Variants in GPR155 observed in about 807,000 individuals in gnomAD.
The protein encoded by GPR155 is lysosomal cholesterol signaling protein.
Under a neutral mutation model 93.1 loss-of-function variants are expected in GPR155, and 65 were observed. The ratio of observed to expected loss-of-function variants is 0.70; its 90% CI spans 0.57 to 0.86. The LOEUF (loss-of-function observed/expected upper bound fraction) is 0.86, where lower values mean the gene tolerates loss of function less well. Ranked by LOEUF, GPR155 falls within the 40% of genes least tolerant of loss-of-function variation. The pLI, the probability that GPR155 is intolerant of heterozygous loss-of-function variation, is 0.00. For missense variants in GPR155, 838 were observed against 1,034.8 expected, an observed-to-expected ratio of 0.81 and a Z score of 2.61; for synonymous variants, 319 against 360.1, an observed-to-expected ratio of 0.89 and a Z score of 1.29.
At chr2:174,486,491 C>T (rs1222028426) in intron 1 of GPR155, among the ~76,000 whole-genome samples, 2 of 152,290 alleles carry the variant, frequency 1.3e-5, no homozygotes, top group Non-Finnish European at 2.9e-5. Flanking sequence ...GAAAATTTGG[C>T]GCAGTGCTCC....
chr2:174,438,889 T>A (rs1686870594), intron 15 of GPR155, among the ~76,000 whole-genome samples: 1 of 152,228 alleles, frequency 6.6e-6, no homozygotes, highest in Admixed American at 6.5e-5. Flanking sequence ...AAAACTAACT[T>A]TTCTTCATAG....
chr2:174,482,549 C>A (rs1361273377), intron 1 of GPR155, among the ~76,000 whole-genome samples: 1 of 152,110 alleles, frequency 6.6e-6, no homozygotes, highest in Non-Finnish European at 1.5e-5. Flanking sequence ...AACTTTAAAC[C>A]AATAACTTTT....
intron 11 of GPR155, among the ~76,000 whole-genome samples, chr2:174,448,307 A>G (rs2105683079): frequency 6.6e-6 from 1 of 152,238 alleles, no homozygotes; most frequent in South Asian, 2.1e-4. Context: ...ACCTGGGAGC[A>G]GAGGTTACAG....
At chr2:174,437,873 C>T (rs1474420382) in intron 15 of GPR155, among the ~76,000 whole-genome samples, 3 of 151,790 alleles carry the variant, frequency 2.0e-5, no homozygotes, top group African/African-American at 4.8e-5. Flanking sequence ...CGTGAGCCAC[C>T]GTGCCTGGCC....
intron 10 of GPR155, among the ~76,000 whole-genome samples, chr2:174,456,997 G>C (rs1687538003): frequency 6.6e-6 from 1 of 152,136 alleles, no homozygotes; most frequent in Admixed American, 6.6e-5. Context: ...TGACTTTATT[G>C]GTAAGTTTTA....
chr2:174,439,810 C>A (rs1686899716), intron 15 of GPR155, 88 bp downstream of exon 15: 2 of 1,073,002 alleles, frequency 1.9e-6, no homozygotes, highest in Non-Finnish European at 2.8e-6. Context: ...CAGTCACAAC[C>A]ACCTCATTTA....
chr2:174,448,758 C>T (rs1243649175), intron 11 of GPR155, among the ~76,000 whole-genome samples: 2 of 151,508 alleles, frequency 1.3e-5, no homozygotes, highest in Admixed American at 6.6e-5. Context: ...AGGATGGTCT[C>T]GATCTCCTGA....
At chr2:174,441,117 AT>A (rs36047031) in intron 14 of GPR155, among the ~76,000 whole-genome samples, 4 of 151,166 alleles carry the variant, frequency 2.6e-5, no homozygotes, top group East Asian at 1.9e-4. Flanking sequence ...AGTTCCTCCA[AT>A]TTTTTTTTGC....
intron 5 of GPR155, among the ~76,000 whole-genome samples, chr2:174,467,898 G>A (rs191453053): frequency 1.2e-3 from 178 of 152,172 alleles, no homozygotes; most frequent in Admixed American, 4.5e-3. Context: ...CACCATGCCT[G>A]ACTAATTTTA....
At position 174,469,171 on chromosome 2, in the gene GPR155, C is replaced by T. The variant is rs531105852; in HGVS notation, c.1027-104G>A. 5.4e-6 allele frequency: 5 copies of T among 921,848 alleles called. No homozygotes were observed. The African/African-American group carries it at 8.3e-5, about 15-fold the overall frequency. 57.1% of individuals were successfully genotyped at this position (921,848 alleles called of 1,614,324 possible). A position where few individuals can be genotyped will look rare whatever the true frequency, so the allele number is the denominator to read the frequency against. ...AAAGCATTCTAAAATAAAAATGAGA[C>T]ACAGTAAAGACATTATAAAATCCAG... On this transcript the variant is annotated intron_variant, in intron 4 of 15. Coordinates refer to ENST00000392552, the MANE Select transcript of GPR155 (RefSeq NM_152529.7).
chr2:174,473,456 A>G, intron 2 of GPR155, 92 bp from the exon 3 acceptor site: 1 of 864,080 alleles, frequency 1.2e-6, no homozygotes, highest in Middle Eastern at 3.8e-4. Flanking sequence ...TATAGCAATG[A>G]TAAATCTAAA....
At chr2:174,463,562 G>A (rs1020583997) in intron 7 of GPR155, among the ~76,000 whole-genome samples, 3 of 152,110 alleles carry the variant, frequency 2.0e-5, no homozygotes, top group Non-Finnish European at 4.4e-5. Context: ...ATATTACAAC[G>A]CACAGTCCAA....
chr2:174,437,815 C>T (rs1259745338), intron 15 of GPR155, among the ~76,000 whole-genome samples: 2 of 151,580 alleles, frequency 1.3e-5, no homozygotes, highest in Non-Finnish European at 2.9e-5. Context: ...AACTCCCGAC[C>T]TCAGGTGATC....
Position 174,461,402 on chromosome 2 carries a change from C to T in GPR155, c.1560G>A (p.Gln520=). The T allele has an allele frequency of 1.2e-6, 2 of 1,600,258 alleles. No individual in the cohort carries two copies. Among genetic ancestry groups the T allele is most frequent in the South Asian group, 1.1e-5 (1 of 90,724 alleles). Residue 520 remains glutamine, a splice_region_variant and synonymous_variant, in exon 9 of 16, where the codon CAG becomes CAA. Coordinates refer to ENST00000392552, the MANE Select transcript of GPR155 (RefSeq NM_152529.7). Reference sequence around the variant, plus strand: ...AGAACTGCCAGTAAACTCTTCCCACCTGTTCTTTTCCATAAAAGAAGGCTG... The same window carrying T: ...AGAACTGCCAGTAAACTCTTCCCACTTGTTCTTTTCCATAAAAGAAGGCTG... ...IDSAFFYGKE[Q]MITTAVTLFC...
At chr2:174,473,421 T>C in intron 2 of GPR155, 57 bp from the exon 3 acceptor site, 1 of 1,133,950 alleles carries the variant, frequency 8.8e-7, no homozygotes, top group Non-Finnish European at 1.3e-6. Context: ...AGATATATGT[T>C]ATGTATATAA....
In GPR155 at chr2:174,468,943, A is replaced by C. The variant is rs779641996; in HGVS notation, c.1151T>G (p.Phe384Cys). The change falls in exon 5 of 16, where the codon TTT becomes TGT. Residue 384 changes from phenylalanine (F) to cysteine (C), a missense_variant. Transcript: ENST00000392552. ...PLAYAIQNVS[F>C]DISIVSLISL... is the part of the protein sequence containing the mutation. ...GATCAGGCTGACAATACTTATATCA[A>C]AACTAACATTCTGGATGGCATATGC... 6.2e-7 allele frequency: 1 copy of C among 1,613,966 alleles called. No homozygotes were observed. The highest frequency in any genetic ancestry group is 2.2e-5 in the East Asian group (1 of 44,884).
intron 11 of GPR155, among the ~76,000 whole-genome samples, chr2:174,447,395 A>T (rs1402937558): frequency 2.0e-5 from 3 of 146,562 alleles, no homozygotes; most frequent in Non-Finnish European, 4.5e-5. Flanking sequence ...ATTATATATA[A>T]TTTTTATTTT....
At chr2:174,483,237 C>A (rs1008536441) in intron 1 of GPR155, 1 of 152,098 alleles carries the variant, frequency 6.6e-6, no homozygotes, top group African/African-American at 2.4e-5. Context: ...TTTACCCTTT[C>A]ATGGATCAAT....
At chr2:174,455,634 G>A (rs191695703) in intron 10 of GPR155, among the ~76,000 whole-genome samples, 8 of 152,178 alleles carry the variant, frequency 5.3e-5, no homozygotes, top group African/African-American at 1.9e-4. Flanking sequence ...GGGAGGTCAG[G>A]GGGAGGAGGG....
Sources: allele counts gnomAD v4.1 joint callset (sites outside exome capture counted in the v4.1 genomes callset), GRCh38; gene constraint gnomAD v4.1.1; transcripts MANE v1.5; gene names NCBI Gene and HGNC (gene_info 2026-07-23, HGNC 2026-07-21).